The following AGBL4 variants were observed in gnomAD, a reference collection of about 807,000 sequenced individuals.
The protein encoded by AGBL4 is AGBL carboxypeptidase 4, also known as cytosolic carboxypeptidase 6.
In AGBL4, 58 loss-of-function variants were observed where a neutral mutation model predicts 66.4. The ratio of observed to expected loss-of-function variants is 0.87; its 90% confidence interval spans 0.71 to 1.09. The LOEUF (loss-of-function observed/expected upper bound fraction) is 1.09, where lower values mean the gene tolerates loss of function less well. Among genes scored for constraint, AGBL4 ranks in the 50% least tolerant of loss-of-function variants. AGBL4 has a pLI of 0.00. For synonymous variants in AGBL4, 234 were observed against 222.9 expected, an observed-to-expected ratio of 1.05 and a Z score of -0.44; for missense variants, 579 against 631.0, an observed-to-expected ratio of 0.92 and a Z score of 0.88.
intron 5 of AGBL4, among the ~76,000 whole-genome samples, chr1:48,951,755 T>C (rs1396555931): frequency 1.3e-5 from 2 of 152,200 alleles, no homozygotes; most frequent in Non-Finnish European, 2.9e-5. Context: ...ACCCACCCTA[T>C]GGTATTTTAT....
chr1:48,567,276 C>T (rs1232115743), intron 11 of AGBL4, among the ~76,000 whole-genome samples: 2 of 152,188 alleles, frequency 1.3e-5, no homozygotes, highest in African/African-American at 4.8e-5. Context: ...CCATCACCTC[C>T]AGGAAGTCAT....
intron 6 of AGBL4, among the ~76,000 whole-genome samples, chr1:48,810,263 C>T (rs1646019065): frequency 6.6e-6 from 1 of 152,184 alleles, no homozygotes; most frequent in African/African-American, 2.4e-5. Context: ...GAGTAGCCTC[C>T]ACTGTTGACA....
intron 3 of AGBL4, among the ~76,000 whole-genome samples, chr1:49,466,548 C>T (rs895270203): frequency 6.6e-6 from 1 of 151,788 alleles, no homozygotes; most frequent in Admixed American, 6.6e-5. Flanking sequence ...ATGCAATTGC[C>T]ATCCCCTGCC....
chr1:49,400,238 A>C (rs1358346713), intron 3 of AGBL4, among the ~76,000 whole-genome samples: 2 of 151,976 alleles, frequency 1.3e-5, no homozygotes, highest in African/African-American at 4.8e-5. Context: ...CCACTGGTCT[A>C]TTATGTTTGT....
chr1:48,588,656 A>AGTGT (rs57683318), intron 10 of AGBL4, among the ~76,000 whole-genome samples: 5,947 of 147,564 alleles, frequency 0.04, 173 homozygotes, highest in African/African-American at 0.072. Flanking sequence ...GAAACAGAGA[A>AGTGT]GTGTGTGTGT....
chr1:48,649,371 G>C (rs1390003415), intron 8 of AGBL4, among the ~76,000 whole-genome samples: 3 of 152,194 alleles, frequency 2.0e-5, no homozygotes, highest in Non-Finnish European at 2.9e-5. Context: ...GTAAGACAGA[G>C]TGTATAGTTG....
chr1:49,829,144 C>T (rs1046308047), intron 2 of AGBL4, among the ~76,000 whole-genome samples: 1 of 151,428 alleles, frequency 6.6e-6, no homozygotes, highest in Non-Finnish European at 1.5e-5. Flanking sequence ...GGGAGGCAGA[C>T]AGAAAATAAA....
At chr1:49,311,623 C>T (rs1341749002) in intron 3 of AGBL4, among the ~76,000 whole-genome samples, 1 of 151,962 alleles carries the variant, frequency 6.6e-6, no homozygotes, top group Non-Finnish European at 1.5e-5. Flanking sequence ...AGATGAGGCA[C>T]TCCATGTTCC....
intron 4 of AGBL4, among the ~76,000 whole-genome samples, chr1:49,175,668 T>C (rs1646817455): frequency 6.6e-6 from 1 of 152,194 alleles, no homozygotes; most frequent in Admixed American, 6.5e-5. Flanking sequence ...GGCAAACTTT[T>C]TACTTGATTT....
chr1:49,274,966 C>T, intron 3 of AGBL4, among the ~76,000 whole-genome samples: 1 of 152,004 alleles, frequency 6.6e-6, no homozygotes. Flanking sequence ...TATTTGTGAA[C>T]AAAAATAAAA....
intron 4 of AGBL4, among the ~76,000 whole-genome samples, chr1:49,236,585 G>T (rs1650762608): frequency 6.6e-6 from 1 of 152,038 alleles, no homozygotes; most frequent in Non-Finnish European, 1.5e-5. Flanking sequence ...TGGAAAAATG[G>T]TTCAGCAAGG....
chr1:49,962,068 C>T (rs892839890), intron 1 of AGBL4, among the ~76,000 whole-genome samples: 14 of 152,126 alleles, frequency 9.2e-5, no homozygotes, highest in African/African-American at 3.4e-4. Context: ...TCGGATGCTG[C>T]TTCATGAAAT....
intron 3 of AGBL4, among the ~76,000 whole-genome samples, chr1:49,640,861 C>T (rs1645767073): frequency 6.6e-6 from 1 of 152,076 alleles, no homozygotes; most frequent in African/African-American, 2.4e-5. Context: ...TGTATTTGTA[C>T]AGTGATTTAG....
At position 48,661,139 on chromosome 1, in the gene AGBL4, A is replaced by G. The variant is rs552253317; in HGVS notation, c.724+2013T>C. The stretch of plus-strand genomic sequence containing the variant: ...AAGAGGGAAAAACAAATATGAGTCA[A>G]GTATATGATAATAAATCAGGGCAAT... On this transcript the variant is annotated intron_variant, in intron 7 of 13. Transcript: ENST00000371839. Among the ~76,000 whole-genome samples the G allele has an allele frequency of 2.0e-4, 30 of 152,338 alleles. No individual in the cohort carries two copies. In the East Asian group the frequency reaches 4.8e-3, roughly 24 times the overall value.
chr1:48,587,468 A>G (rs1644840980), intron 10 of AGBL4, among the ~76,000 whole-genome samples: 1 of 151,760 alleles, frequency 6.6e-6, no homozygotes, highest in Non-Finnish European at 1.5e-5. Flanking sequence ...TGATAATCAG[A>G]ACTAACATTT....
chr1:48,831,307 C>T (rs534687909), intron 6 of AGBL4, among the ~76,000 whole-genome samples: 41 of 152,246 alleles, frequency 2.7e-4, no homozygotes, highest in African/African-American at 8.2e-4. Context: ...ATGATCCAGG[C>T]GCTCCTCCCT....
At chr1:49,950,152 A>G (rs867574151) in intron 1 of AGBL4, among the ~76,000 whole-genome samples, 2 of 145,158 alleles carry the variant, frequency 1.4e-5, no homozygotes, top group African/African-American at 5.0e-5. Context: ...ATATGTGTAT[A>G]TATATACACA....
chr1:48,949,750 C>T (rs140697966), intron 5 of AGBL4, among the ~76,000 whole-genome samples: 9 of 152,322 alleles, frequency 5.9e-5, no homozygotes, highest in African/African-American at 2.2e-4. Flanking sequence ...CATCCCCAAC[C>T]CAGTAAGCTC....
At chr1:48,898,607 G>T (rs995572062) in intron 5 of AGBL4, among the ~76,000 whole-genome samples, 3 of 151,754 alleles carry the variant, frequency 2.0e-5, no homozygotes, top group Non-Finnish European at 4.4e-5. Context: ...AAGATGAGTT[G>T]GTATATCCGG....
Sources: gnomAD v4.1 joint callset for allele counts (sites outside exome capture counted in the v4.1 genomes callset) on GRCh38, gnomAD v4.1.1 for gene constraint, MANE v1.5 for transcripts, NCBI Gene and HGNC (gene_info 2026-07-23, HGNC 2026-07-21) for gene names.